Variants in CARMIL1 observed in about 807,000 individuals in gnomAD.
The protein encoded by CARMIL1 is F-actin-uncapping protein LRRC16A.
CARMIL1 carries 90 observed loss-of-function variants against 177.1 expected under a neutral mutation model. The observed-to-expected ratio is 0.51, with a 90% CI of 0.43 to 0.61. The LOEUF is 0.61. Ranked by LOEUF, CARMIL1 falls within the 20% of genes least tolerant of loss-of-function variation. The pLI is 0.00. For synonymous variants in CARMIL1, 577 were observed against 606.2 expected (o/e 0.95, Z 0.71); for missense variants, 1,380 against 1,667.0 (o/e 0.83, Z 3.00).
At chr6:25,330,882 C>G (rs1251489580) in intron 2 of CARMIL1, among the ~76,000 whole-genome samples, 1 of 125,474 alleles carries the variant, frequency 8.0e-6, no homozygotes, top group East Asian at 2.4e-4. Flanking sequence ...TTTACATTTT[C>G]AAGAGGTTTT....
At chr6:25,614,731 T>C (rs544027911) in intron 36 of CARMIL1, among the ~76,000 whole-genome samples, 1 of 152,336 alleles carries the variant, frequency 6.6e-6, no homozygotes, top group South Asian at 2.1e-4. Flanking sequence ...AAAAACACTT[T>C]ATACAACACA....
chr6:25,577,685 G>C lies in CARMIL1; in HGVS notation c.2743-3239G>C, dbSNP rs1812727469. On this transcript the variant is annotated intron_variant, in intron 29 of 36. Coordinates refer to ENST00000329474, the MANE Select transcript of CARMIL1 (RefSeq NM_017640.6). The surrounding 1 kb of genome is among the most constrained non-coding windows in gnomAD (Gnocchi z 4.5). ...GAAAAAAATGTTACGTTGTTTGGAA[G>C]GTTCCAAGATTAGTCTTTAACTTGT... 6.6e-6 allele frequency among the ~76,000 whole-genome samples: 1 copy of C among 152,092 alleles called. No individual in the cohort carries two copies. The highest frequency in any genetic ancestry group is 2.4e-5 in the African/African-American group (1 of 41,404).
At chr6:25,341,811 CTT>C (rs1186202460) in intron 2 of CARMIL1, among the ~76,000 whole-genome samples, 2 of 152,222 alleles carry the variant, frequency 1.3e-5, no homozygotes, top group Non-Finnish European at 2.9e-5. Context: ...ATTTAAGCCT[CTT>C]AGCCCGACAG....
At chr6:25,504,260 A>G (rs190650772) in intron 17 of CARMIL1, among the ~76,000 whole-genome samples, 1 of 152,296 alleles carries the variant, frequency 6.6e-6, no homozygotes, top group Non-Finnish European at 1.5e-5. Flanking sequence ...AAATAGTCTT[A>G]AAGTAGGAAG....
intron 22 of CARMIL1, among the ~76,000 whole-genome samples, chr6:25,519,864 C>G (rs562118681): frequency 6.6e-6 from 1 of 152,288 alleles, no homozygotes; most frequent in East Asian, 1.9e-4. Context: ...CAGGTAGAGT[C>G]AGATCTATTG....
chr6:25,382,705 CAG>C (rs1034515786), intron 2 of CARMIL1, among the ~76,000 whole-genome samples: 1 of 152,228 alleles, frequency 6.6e-6, no homozygotes, highest in Non-Finnish European at 1.5e-5. Flanking sequence ...TGGCAAGACA[CAG>C]GGCGCTCATT....
chr6:25,328,285 G>A (rs967486345), intron 2 of CARMIL1, among the ~76,000 whole-genome samples: 3 of 152,106 alleles, frequency 2.0e-5, no homozygotes, highest in African/African-American at 4.8e-5. Context: ...AAAGGAGATC[G>A]AGTCATGGTA....
rs1233671210 is a variant in CARMIL1, at chr6:25,296,957, A to AACTAACTT, written c.138+12055_138+12056insTACTAACT. 6.5e-4 allele frequency among the ~76,000 whole-genome samples: 98 copies of AACTAACTT among 150,766 alleles called. 1 individual carries two copies. Among genetic ancestry groups the AACTAACTT allele is most frequent in the Admixed American group, 1.3e-4 (2 of 15,116 alleles). On this transcript the variant is annotated intron_variant, in intron 2 of 36. Transcript: ENST00000329474. ...TCTTTAACTAACTAACTAACTAACT[A>AACTAACTT]ACTAACTAAAGCATTTTAAAACGTG...
intron 4 of CARMIL1, among the ~76,000 whole-genome samples, chr6:25,435,043 T>A (rs1353372584): frequency 6.6e-6 from 1 of 152,220 alleles, no homozygotes; most frequent in Admixed American, 6.5e-5. Flanking sequence ...ATAAAAACTT[T>A]GTAAGACTGC....
chr6:25,472,763 T>G, intron 11 of CARMIL1: 1 of 490,022 alleles, frequency 2.0e-6, no homozygotes. Flanking sequence ...TAATATGTTT[T>G]ATTAGTTACA....
intron 2 of CARMIL1, among the ~76,000 whole-genome samples, chr6:25,334,391 G>A (rs1459365430): frequency 2.0e-5 from 3 of 152,208 alleles, no homozygotes; most frequent in Non-Finnish European, 4.4e-5. Flanking sequence ...ATGCCTTGGT[G>A]ATTTGTCTAG....
At chr6:25,426,840 T>C (rs1796320250) in intron 4 of CARMIL1, among the ~76,000 whole-genome samples, 1 of 152,184 alleles carries the variant, frequency 6.6e-6, no homozygotes, top group African/African-American at 2.4e-5. Context: ...ACAACATGCT[T>C]TAACACTAAA....
At chr6:25,533,123 T>A (rs1314520520) in intron 24 of CARMIL1, among the ~76,000 whole-genome samples, 1 of 152,238 alleles carries the variant, frequency 6.6e-6, no homozygotes, top group Non-Finnish European at 1.5e-5. Flanking sequence ...TCCTCTTTCA[T>A]GTGCACATTT....
intron 2 of CARMIL1, among the ~76,000 whole-genome samples, chr6:25,397,676 G>C (rs1433381431): frequency 1.3e-5 from 2 of 152,154 alleles, no homozygotes; most frequent in African/African-American, 4.8e-5. Context: ...GGGCTGCTTA[G>C]AGAAATGCTA....
chr6:25,459,211 T>TTTCTTTCTTTCTTTCTTTCC (rs1799802451), intron 8 of CARMIL1, among the ~76,000 whole-genome samples: 6 of 18,806 alleles, frequency 3.2e-4, no homozygotes, highest in Non-Finnish European at 5.0e-4. Context: ...ATCCCAACTT[T>TTTCTTTCTTTCTTTCTTTCC]TTCTTTCTTT....
chr6:25,281,127 T>TGC lies in CARMIL1; in HGVS notation c.40+1301_40+1302dup, dbSNP rs1554148544. ...AATTATTCACAGACGCACGCGCGTG[T>TGC]GCGCGCGCGCACACACACACACACA... On this transcript the variant is annotated intron_variant, in intron 1 of 36. Transcript: ENST00000329474. Among the ~76,000 whole-genome samples, 862 of 127,046 alleles carry TGC rather than the reference T, an allele frequency of 6.8e-3. 8 individuals carry two copies. The highest frequency in any genetic ancestry group is 0.014 in the African/African-American group (441 of 31,362). 83.3% of individuals were successfully genotyped at this position (127,046 alleles called of 152,430 possible).
chr6:25,429,519 C>G (rs1403481770), intron 4 of CARMIL1, among the ~76,000 whole-genome samples: 3 of 152,160 alleles, frequency 2.0e-5, no homozygotes, highest in Admixed American at 6.5e-5. Context: ...ATGGAAGTGG[C>G]AAGAGCAAAT....
intron 2 of CARMIL1, among the ~76,000 whole-genome samples, chr6:25,363,545 C>T (rs1343883780): frequency 3.3e-5 from 5 of 152,094 alleles, no homozygotes; most frequent in East Asian, 1.9e-4. Flanking sequence ...TTTGAAGGGC[C>T]GGGATAATGA....
At chr6:25,281,105 T>G (rs746306000) in intron 1 of CARMIL1, among the ~76,000 whole-genome samples, 3 of 146,324 alleles carry the variant, frequency 2.1e-5, no homozygotes, top group Non-Finnish European at 4.5e-5. Context: ...AGTATGAAAT[T>G]ATTCACAGAC....
Sources: gnomAD v4.1 joint callset for allele counts (sites outside exome capture counted in the v4.1 genomes callset) on GRCh38, gnomAD v4.1.1 for gene constraint, Gnocchi (gnomAD v3.1) non-coding constraint, MANE v1.5 for transcripts, NCBI Gene and HGNC (gene_info 2026-07-23, HGNC 2026-07-21) for gene names.